Variants in VPS13B observed in about 807,000 individuals in gnomAD.
The protein encoded by VPS13B is vacuolar protein sorting 13 homolog B.
VPS13B carries 285 observed loss-of-function variants against 426.4 expected under a neutral mutation model. The ratio of observed to expected loss-of-function variants is 0.67; its 90% CI spans 0.61 to 0.74. The LOEUF is 0.74. Among genes scored for constraint, VPS13B ranks in the 30% least tolerant of loss-of-function variants. The probability of loss-of-function intolerance (pLI) is 0.00; values close to 1 mark genes in which losing one functional copy is unlikely to be tolerated. For missense variants in VPS13B, 4,537 were observed against 4,782.6 expected, an observed-to-expected ratio of 0.95 and a Z score of 1.51; for synonymous variants, 1,676 against 1,676.4, an observed-to-expected ratio of 1.00 and a Z score of 0.01.
chr8:99,408,851 A>G (rs1453855580), intron 21 of VPS13B, among the ~76,000 whole-genome samples: 2 of 152,158 alleles, frequency 1.3e-5, no homozygotes. Flanking sequence ...AAGAGCTACA[A>G]CTGAGGTAGA....
intron 17 of VPS13B, among the ~76,000 whole-genome samples, chr8:99,273,051 C>T (rs1563640036): frequency 2.0e-5 from 3 of 152,040 alleles, no homozygotes; most frequent in Non-Finnish European, 2.9e-5. Context: ...AAATTCAGGA[C>T]ACTTCTGCTC....
intron 33 of VPS13B, among the ~76,000 whole-genome samples, chr8:99,628,877 A>T (rs1169399374): frequency 6.6e-6 from 1 of 151,958 alleles, no homozygotes; most frequent in Non-Finnish European, 1.5e-5. Context: ...TCCTAAGCTC[A>T]AGCTATCCTC....
intron 43 of VPS13B, among the ~76,000 whole-genome samples, chr8:99,790,227 TTTGA>T (rs1318456444): frequency 6.6e-6 from 1 of 152,170 alleles, no homozygotes; most frequent in Non-Finnish European, 1.5e-5. Flanking sequence ...TCCTAAATAC[TTTGA>T]TTGTTACACT....
chr8:99,774,289 A>G (rs1811640814), intron 40 of VPS13B, among the ~76,000 whole-genome samples: 1 of 152,196 alleles, frequency 6.6e-6, no homozygotes, highest in Non-Finnish European at 1.5e-5. Context: ...TTGAAGGAGT[A>G]TTGCTGACTA....
chr8:99,341,776 C>T, intron 19 of VPS13B: 1 of 381,760 alleles, frequency 2.6e-6, no homozygotes, highest in Non-Finnish European at 5.3e-6. Context: ...GTCAAACCCC[C>T]AGGCGTCCCA....
At chr8:99,378,935 C>T (rs547782782) in intron 19 of VPS13B, among the ~76,000 whole-genome samples, 2 of 152,218 alleles carry the variant, frequency 1.3e-5, no homozygotes, top group Non-Finnish European at 2.9e-5. Flanking sequence ...CTAAGGTCCT[C>T]AACCTCTGGG....
chr8:99,852,019 CAGAA>C (rs1816321185), intron 55 of VPS13B, among the ~76,000 whole-genome samples: 1 of 152,028 alleles, frequency 6.6e-6, no homozygotes, highest in East Asian at 1.9e-4. Context: ...GTGGAAGTGG[CAGAA>C]AGAGTCAGAT....
chr8:99,234,551 C>A, intron 17 of VPS13B: 2 of 443,062 alleles, frequency 4.5e-6, no homozygotes, highest in African/African-American at 2.0e-5. Flanking sequence ...GGCTGGGGTT[C>A]GGGGGCCGCG....
At chr8:99,572,705 A>T (rs1230404917) in intron 31 of VPS13B, among the ~76,000 whole-genome samples, 6 of 152,122 alleles carry the variant, frequency 3.9e-5, no homozygotes, top group Admixed American at 6.5e-5. Context: ...TCTATCATTG[A>T]TGGATATTTG....
intron 3 of VPS13B, among the ~76,000 whole-genome samples, chr8:99,051,705 T>C (rs1438361493): frequency 3.9e-5 from 6 of 152,340 alleles, no homozygotes; most frequent in Admixed American, 1.3e-4. Context: ...TTTTATTTCA[T>C]TGAGCAGTGG....
intron 3 of VPS13B, among the ~76,000 whole-genome samples, chr8:99,078,809 C>T (rs1445519782): frequency 6.6e-6 from 1 of 151,958 alleles, no homozygotes; most frequent in Non-Finnish European, 1.5e-5. Context: ...GTGTGCCGGT[C>T]CCCAGTCCCC....
At chr8:99,279,191 A>C (rs1042072299) in intron 19 of VPS13B, among the ~76,000 whole-genome samples, 3 of 152,184 alleles carry the variant, frequency 2.0e-5, no homozygotes, top group African/African-American at 4.8e-5. Flanking sequence ...GTGAGCCAAG[A>C]TCACGTACTG....
intron 7 of VPS13B, among the ~76,000 whole-genome samples, chr8:99,118,099 A>G (rs1563550504): frequency 6.6e-6 from 1 of 152,180 alleles, no homozygotes; most frequent in Non-Finnish European, 1.5e-5. Context: ...ACCTGGAACA[A>G]ACATAACATG....
intron 17 of VPS13B, among the ~76,000 whole-genome samples, chr8:99,231,678 A>G (rs1040356087): frequency 7.9e-5 from 12 of 152,132 alleles, no homozygotes; most frequent in Admixed American, 2.6e-4. Flanking sequence ...TGCTCCAACT[A>G]TCAGTTTTAC....
intron 35 of VPS13B, among the ~76,000 whole-genome samples, chr8:99,692,240 A>AT (rs1228165592): frequency 2.7e-5 from 4 of 147,674 alleles, no homozygotes; most frequent in Non-Finnish European, 4.5e-5. Context: ...CAGAATATAC[A>AT]TTTTTTTCAG....
intron 8 of VPS13B, among the ~76,000 whole-genome samples, chr8:99,126,137 G>A (rs1341286289): frequency 6.6e-6 from 1 of 152,142 alleles, no homozygotes; most frequent in African/African-American, 2.4e-5. Context: ...CATGATAGCA[G>A]GAAAGAAAGC....
chr8:99,134,835 TTG>T (rs1298681388), intron 9 of VPS13B, 108 bp downstream of exon 9: 2 of 1,188,114 alleles, frequency 1.7e-6, no homozygotes, highest in Non-Finnish European at 2.4e-6. Context: ...AGTAAGATGT[TTG>T]TTTCTTATTT....
At chr8:99,042,945 T>G (rs1427686717) in intron 3 of VPS13B, among the ~76,000 whole-genome samples, 2 of 152,224 alleles carry the variant, frequency 1.3e-5, no homozygotes, top group African/African-American at 4.8e-5. Context: ...TCTGTGTCAG[T>G]GTAATTAGAC....
At chr8:99,613,898 G>A (rs1827950724) in intron 33 of VPS13B, 1 of 152,218 alleles carries the variant, frequency 6.6e-6, no homozygotes, top group African/African-American at 2.4e-5. Flanking sequence ...ACCTGGGCTG[G>A]TCACTCCCTC....
Sources: gnomAD v4.1 joint callset for allele counts (sites outside exome capture counted in the v4.1 genomes callset) on GRCh38, gnomAD v4.1.1 for gene constraint, MANE v1.5 for transcripts, NCBI Gene and HGNC (gene_info 2026-07-23, HGNC 2026-07-21) for gene names.